The following CDYL variants were observed in gnomAD, a reference collection of about 807,000 sequenced individuals.
CDYL encodes the protein chromodomain Y-like protein.
In CDYL, 8 loss-of-function variants were observed where a neutral mutation model predicts 47.3. The ratio of observed to expected loss-of-function variants is 0.17; its 90% confidence interval spans 0.10 to 0.31. The LOEUF (loss-of-function observed/expected upper bound fraction) is 0.31. Among genes scored for constraint, CDYL ranks in the 10% least tolerant of loss-of-function variants. The pLI, the probability that CDYL is intolerant of heterozygous loss-of-function variation, is 1.00. For synonymous variants in CDYL, 266 were observed against 265.0 expected (o/e 1.00, Z -0.04); for missense variants, 471 against 701.4 (o/e 0.67, Z 3.71).
intron 1 of CDYL, among the ~76,000 whole-genome samples, chr6:4,804,409 G>A (rs1015753708): frequency 6.6e-5 from 10 of 152,204 alleles, no homozygotes; most frequent in African/African-American, 2.2e-4. Context: ...AAGAGAATGA[G>A]TCTTTGGTTA....
At chr6:4,880,708 C>G (rs1486809267) in intron 1 of CDYL, among the ~76,000 whole-genome samples, 1 of 152,178 alleles carries the variant, frequency 6.6e-6, no homozygotes, top group African/African-American at 2.4e-5. Flanking sequence ...CTGTCATGTT[C>G]TGGATTTTGG....
chr6:4,778,440 T>C (rs1026798194), intron 1 of CDYL, among the ~76,000 whole-genome samples: 6 of 152,246 alleles, frequency 3.9e-5, no homozygotes, highest in African/African-American at 1.4e-4. Context: ...GTGCTTATTC[T>C]ATATCTTCAG....
At chr6:4,713,584 AGATTCTT>A (rs1561818729) in intron 1 of CDYL, among the ~76,000 whole-genome samples, 1 of 80,952 alleles carries the variant, frequency 1.2e-5, no homozygotes, top group Non-Finnish European at 3.0e-5. Context: ...TCTATCATTT[AGATTCTT>A]TTTTTTTTTT....
At chr6:4,952,819 G>C (rs1442134916) in intron 6 of CDYL, among the ~76,000 whole-genome samples, 1 of 152,092 alleles carries the variant, frequency 6.6e-6, no homozygotes, top group Non-Finnish European at 1.5e-5. Context: ...TCAGGCTTGA[G>C]TGCAGTGGTG....
At chr6:4,935,840 T>G (rs1539004) in intron 3 of CDYL, 69 bp downstream of exon 3, 1,581,649 of 1,592,010 alleles carry the variant, frequency 0.99, 786,182 homozygotes, top group East Asian at 1. Context: ...CCTGCCTGGC[T>G]GAACTGGCTC....
chr6:4,923,904 A>G (rs1757793127), intron 2 of CDYL, among the ~76,000 whole-genome samples: 1 of 148,296 alleles, frequency 6.7e-6, no homozygotes, highest in Non-Finnish European at 1.5e-5. Context: ...CCGTCTCAAA[A>G]AAAAAAAAAA....
intron 3 of CDYL, among the ~76,000 whole-genome samples, chr6:4,937,249 C>T (rs1265311331): frequency 6.6e-6 from 1 of 151,976 alleles, no homozygotes; most frequent in Admixed American, 6.6e-5. Flanking sequence ...GTCCCAGCTA[C>T]TTGGGAGGCT....
At chr6:4,945,115 C>T (rs1362358820) in intron 5 of CDYL, among the ~76,000 whole-genome samples, 2 of 152,096 alleles carry the variant, frequency 1.3e-5, no homozygotes, top group Non-Finnish European at 2.9e-5. Flanking sequence ...ATCAGGGACC[C>T]AGGATGGGCT....
chr6:4,952,238 A>C, intron 5 of CDYL, 28 bp from the exon 6 acceptor site: 1 of 1,606,170 alleles, frequency 6.2e-7, no homozygotes, highest in Non-Finnish European at 8.5e-7. Flanking sequence ...ACCGCAATTC[A>C]TATTACATCC....
intron 2 of CDYL, among the ~76,000 whole-genome samples, chr6:4,900,296 A>T (rs1160405638): frequency 6.6e-6 from 1 of 152,174 alleles, no homozygotes; most frequent in Non-Finnish European, 1.5e-5. Context: ...TTTATGTTTT[A>T]AACTTTATAT....
intron 4 of CDYL, among the ~76,000 whole-genome samples, chr6:4,940,456 G>C (rs921381748): frequency 6.6e-6 from 1 of 152,142 alleles, no homozygotes; most frequent in Admixed American, 6.5e-5. Context: ...AAACTTGGAG[G>C]CAAAGGACTT....
intron 2 of CDYL, among the ~76,000 whole-genome samples, chr6:4,910,097 T>C (rs746638826): frequency 1.6e-4 from 25 of 151,984 alleles, no homozygotes; most frequent in Non-Finnish European, 3.5e-4. Context: ...CGGCACTTCC[T>C]GGGAGAAGAC....
chr6:4,783,518 G>A (rs1263525204), intron 1 of CDYL, among the ~76,000 whole-genome samples: 1 of 151,660 alleles, frequency 6.6e-6, no homozygotes, highest in Non-Finnish European at 1.5e-5. Flanking sequence ...ACTGGTTCAA[G>A]TGATTCTCCT....
chr6:4,723,304 G>A (rs1020218881), intron 2 of CDYL, among the ~76,000 whole-genome samples: 2 of 152,036 alleles, frequency 1.3e-5, no homozygotes, highest in Non-Finnish European at 2.9e-5. Context: ...GAGCATCTGT[G>A]GATTTTGGTA....
chr6:4,889,845 C>T (rs535950288), intron 1 of CDYL: 13 of 409,282 alleles, frequency 3.2e-5, no homozygotes, highest in African/African-American at 2.2e-4. Flanking sequence ...TGCCTAAAAA[C>T]GGAGCACACA....
chr6:4,836,075 G>A lies in CDYL; in HGVS notation c.25-55638G>A, dbSNP rs533665198. On this transcript the variant is annotated intron_variant, in intron 1 of 6. Coordinates refer to ENST00000397588, the MANE Select transcript of CDYL (RefSeq NM_004824.4). ...CCCTGCTTCGGCTTGCGCACGGTGC[G>A]CTGCACCCACTGACCTGTGCCCACT... The A allele has an allele frequency of 1.3e-3, 201 of 157,602 alleles. 1 individual carries two copies. The highest frequency in any genetic ancestry group is 4.4e-3 in the African/African-American group (183 of 41,652). The allele number at this position is 157,602 out of a possible 1,614,324, so 9.8% of individuals were successfully genotyped here.
At chr6:4,924,401 C>T (rs980659367) in intron 2 of CDYL, among the ~76,000 whole-genome samples, 12 of 152,238 alleles carry the variant, frequency 7.9e-5, no homozygotes, top group Middle Eastern at 3.4e-3. Flanking sequence ...ACCTGCCCTT[C>T]TTTATATTTC....
intron 3 of CDYL, among the ~76,000 whole-genome samples, chr6:4,736,427 T>A (rs1757705372): frequency 6.6e-6 from 1 of 152,202 alleles, no homozygotes; most frequent in Admixed American, 6.5e-5. Flanking sequence ...TGGAATATTT[T>A]TCCCATTGAT....
At chr6:4,940,198 G>C (rs1758324208) in intron 4 of CDYL, among the ~76,000 whole-genome samples, 2 of 152,174 alleles carry the variant, frequency 1.3e-5, no homozygotes, top group South Asian at 4.1e-4. Flanking sequence ...CAAAAAGCTG[G>C]ATTGATATTC....
Sources: gnomAD v4.1 joint callset for allele counts (sites outside exome capture counted in the v4.1 genomes callset) on GRCh38, gnomAD v4.1.1 for gene constraint, MANE v1.5 for transcripts, NCBI Gene and HGNC (gene_info 2026-07-23, HGNC 2026-07-21) for gene names.